Variants in ANKS1B observed in about 807,000 individuals in gnomAD.
ANKS1B encodes ankyrin repeat and sterile alpha motif domain-containing protein 1B.
Under a neutral mutation model 148.3 loss-of-function variants are expected in ANKS1B, and 36 were observed. The observed-to-expected ratio is 0.24, with a 90% confidence interval of 0.19 to 0.32. The LOEUF is 0.32. Ranked by LOEUF, ANKS1B falls within the 10% of genes least tolerant of loss-of-function variation. The pLI is 1.00. For synonymous variants in ANKS1B, 542 were observed against 560.8 expected, an observed-to-expected ratio of 0.97 and a Z score of 0.47; for missense variants, 1,157 against 1,542.6, an observed-to-expected ratio of 0.75 and a Z score of 4.19.
At chr12:99,142,273 G>C (rs1225279635) in intron 15 of ANKS1B, among the ~76,000 whole-genome samples, 2 of 151,974 alleles carry the variant, frequency 1.3e-5, no homozygotes, top group Admixed American at 1.3e-4. Flanking sequence ...GGTAAACAGG[G>C]ACTAGTAAAA....
At chr12:99,260,060 T>C (rs770897167) in intron 12 of ANKS1B, among the ~76,000 whole-genome samples, 36 of 152,282 alleles carry the variant, frequency 2.4e-4, no homozygotes, top group African/African-American at 7.9e-4. Flanking sequence ...AGAGACTGTA[T>C]TGGGGGAAGA....
At chr12:99,595,655 C>T (rs2097752193) in intron 9 of ANKS1B, among the ~76,000 whole-genome samples, 1 of 151,864 alleles carries the variant, frequency 6.6e-6, no homozygotes, top group South Asian at 2.1e-4. Context: ...TGATCTCGCA[C>T]ATTAACTCAT....
At chr12:99,315,299 T>A (rs1289724455) in intron 12 of ANKS1B, among the ~76,000 whole-genome samples, 5 of 144,650 alleles carry the variant, frequency 3.5e-5, no homozygotes, top group East Asian at 2.0e-4. Context: ...ACGGAAAAAA[T>A]TTTTTACAAT....
At chr12:99,550,384 G>A (rs144559883) in intron 9 of ANKS1B, among the ~76,000 whole-genome samples, 46 of 152,250 alleles carry the variant, frequency 3.0e-4, no homozygotes, top group African/African-American at 1.1e-3. Context: ...AACACTCTGG[G>A]AGGCTGAGGC....
intron 1 of ANKS1B, among the ~76,000 whole-genome samples, chr12:99,873,949 G>A (rs1481492709): frequency 3.3e-5 from 5 of 150,690 alleles, no homozygotes. Context: ...TGCAGATTTT[G>A]GACTTGCCAA....
chr12:99,588,767 G>A (rs910406822), intron 9 of ANKS1B, among the ~76,000 whole-genome samples: 2 of 152,154 alleles, frequency 1.3e-5, no homozygotes, highest in African/African-American at 2.4e-5. Context: ...GGGACATGGT[G>A]TATGGCCTGC....
chr12:99,868,102 T>C (rs2090994610), intron 1 of ANKS1B, among the ~76,000 whole-genome samples: 1 of 152,130 alleles, frequency 6.6e-6, no homozygotes, highest in Non-Finnish European at 1.5e-5. Context: ...TTAATGATTT[T>C]TAAAAAAGAA....
chr12:99,798,439 A>AC (rs576905634), intron 4 of ANKS1B, among the ~76,000 whole-genome samples: 2,478 of 151,300 alleles, frequency 0.016, 27 homozygotes, highest in South Asian at 0.057. Context: ...AAAAAAAAAA[A>AC]AAAACAAAAG....
chr12:99,383,458 T>C (rs553760966), intron 12 of ANKS1B, among the ~76,000 whole-genome samples: 4 of 152,342 alleles, frequency 2.6e-5, no homozygotes, highest in Admixed American at 1.3e-4. Context: ...CACCATTCTT[T>C]GATCTTGCTC....
chr12:98,867,014 A>G (rs1287957515), intron 17 of ANKS1B, among the ~76,000 whole-genome samples: 1 of 152,216 alleles, frequency 6.6e-6, no homozygotes, highest in African/African-American at 2.4e-5. Context: ...CAAATACACA[A>G]ATAAGCCCCA....
intron 17 of ANKS1B, among the ~76,000 whole-genome samples, chr12:98,916,075 A>G (rs2099793971): frequency 6.6e-6 from 1 of 152,142 alleles, no homozygotes; most frequent in Admixed American, 6.5e-5. Flanking sequence ...ACAATTATTG[A>G]CGTATGTTTG....
chr12:99,862,976 A>C (rs1386291586), intron 1 of ANKS1B, among the ~76,000 whole-genome samples: 1 of 152,236 alleles, frequency 6.6e-6, no homozygotes, highest in Non-Finnish European at 1.5e-5. Context: ...GATGGAAAAA[A>C]CAGTATGCTA....
At chr12:99,286,687 G>A (rs1256741324) in intron 12 of ANKS1B, among the ~76,000 whole-genome samples, 1 of 152,160 alleles carries the variant, frequency 6.6e-6, no homozygotes, top group Non-Finnish European at 1.5e-5. Context: ...GTTCCGAAGG[G>A]AGAGATCCAG....
intron 19 of ANKS1B, among the ~76,000 whole-genome samples, chr12:98,826,417 A>G (rs17815467): frequency 0.048 from 7,303 of 152,276 alleles, 250 homozygotes; most frequent in Non-Finnish European, 0.081. Flanking sequence ...AACTTTAAGC[A>G]TTGCTTTTCC....
chr12:99,451,058 T>C (rs1443016860), intron 10 of ANKS1B, among the ~76,000 whole-genome samples: 2 of 152,172 alleles, frequency 1.3e-5, no homozygotes, highest in Non-Finnish European at 2.9e-5. Context: ...ATTTCACATA[T>C]GCAGTTACAA....
At chr12:99,310,023 G>A (rs1370163157) in intron 12 of ANKS1B, among the ~76,000 whole-genome samples, 2 of 152,024 alleles carry the variant, frequency 1.3e-5, no homozygotes, top group African/African-American at 4.8e-5. Context: ...TGGTTTCTTA[G>A]CATTTGGAAA....
chr12:99,927,479 C>T (rs939426854), intron 1 of ANKS1B, among the ~76,000 whole-genome samples: 1 of 152,154 alleles, frequency 6.6e-6, no homozygotes, highest in Non-Finnish European at 1.5e-5. Context: ...GAAACATTAA[C>T]ATTGAAGCTA....
At chr12:99,706,053 A>G (rs116978954) in intron 8 of ANKS1B, among the ~76,000 whole-genome samples, 2,049 of 152,240 alleles carry the variant, frequency 0.013, 15 homozygotes, top group Middle Eastern at 0.024. Context: ...TAACAAGTAA[A>G]TAGAGAAGAC....
intron 8 of ANKS1B, among the ~76,000 whole-genome samples, chr12:99,724,230 C>T (rs1314106658): frequency 1.3e-5 from 2 of 152,090 alleles, no homozygotes; most frequent in African/African-American, 4.8e-5. Context: ...CATGTTCTAA[C>T]CCAATGCAAA....
Sources: allele counts gnomAD v4.1 joint callset (sites outside exome capture counted in the v4.1 genomes callset), GRCh38; gene constraint gnomAD v4.1.1; transcripts MANE v1.5; gene names NCBI Gene and HGNC (gene_info 2026-07-23, HGNC 2026-07-21).